FRMD4A: variants seen among roughly 807,000 people sequenced by gnomAD.
The protein encoded by FRMD4A is FERM domain-containing protein 4A.
A neutral mutation model predicts 129.1 loss-of-function variants in FRMD4A; 29 were observed. The ratio of observed to expected loss-of-function variants is 0.22; its 90% CI spans 0.17 to 0.31. FRMD4A has a LOEUF of 0.31. Ranked by LOEUF, FRMD4A falls within the 10% of genes least tolerant of loss-of-function variation. FRMD4A has a pLI of 1.00. For missense variants in FRMD4A, 1,272 were observed against 1,375.8 expected (o/e 0.92, Z 1.19); for synonymous variants, 634 against 571.6 (o/e 1.11, Z -1.56).
chr10:14,133,451 A>G (rs1839371971), intron 2 of FRMD4A, among the ~76,000 whole-genome samples: 1 of 152,202 alleles, frequency 6.6e-6, no homozygotes. Flanking sequence ...TATGCATGAC[A>G]GCACCCTCTC....
chr10:14,161,657 T>G (rs923507195), intron 2 of FRMD4A, among the ~76,000 whole-genome samples: 3 of 152,090 alleles, frequency 2.0e-5, no homozygotes, highest in Non-Finnish European at 4.4e-5. Flanking sequence ...ACCAGAGGCT[T>G]GGAGAGGTGT....
intron 2 of FRMD4A, among the ~76,000 whole-genome samples, chr10:14,093,339 A>G (rs965561699): frequency 1.8e-4 from 28 of 152,346 alleles, no homozygotes; most frequent in Non-Finnish European, 3.2e-4. Flanking sequence ...GAAATTTTAG[A>G]GTCTTCCCAA....
intron 2 of FRMD4A, among the ~76,000 whole-genome samples, chr10:14,190,047 C>A (rs1434465328): frequency 6.6e-6 from 1 of 152,204 alleles, no homozygotes; most frequent in African/African-American, 2.4e-5. Flanking sequence ...ACACGTACAC[C>A]ACTTTCCAAA....
At chr10:14,297,707 G>A (rs147696855) in intron 2 of FRMD4A, among the ~76,000 whole-genome samples, 106 of 152,232 alleles carry the variant, frequency 7.0e-4, no homozygotes, top group Non-Finnish European at 1.3e-3. Context: ...AACATATGAG[G>A]CAGAGGACCT....
At chr10:14,005,107 C>T (rs1202254070) in intron 2 of FRMD4A, among the ~76,000 whole-genome samples, 2 of 151,966 alleles carry the variant, frequency 1.3e-5, no homozygotes, top group Admixed American at 6.6e-5. Flanking sequence ...ACAGCAACCT[C>T]CACCTCCCAG....
intron 2 of FRMD4A, among the ~76,000 whole-genome samples, chr10:14,096,492 G>A (rs772211987): frequency 3.9e-5 from 6 of 152,256 alleles, no homozygotes; most frequent in Non-Finnish European, 5.9e-5. Context: ...AGGGAGCTCA[G>A]ATGTGAGTTC....
intron 3 of FRMD4A, among the ~76,000 whole-genome samples, chr10:13,847,085 A>C (rs1379898930): frequency 6.6e-6 from 1 of 152,214 alleles, no homozygotes; most frequent in African/African-American, 2.4e-5. Flanking sequence ...TGGCTTCTAA[A>C]GCCTGGCCAA....
At chr10:13,715,831 G>A (rs10906453) in intron 12 of FRMD4A, among the ~76,000 whole-genome samples, 88,758 of 150,568 alleles carry the variant, frequency 0.59, 26,415 homozygotes, top group East Asian at 0.74. Flanking sequence ...GCTTGAATTC[G>A]GGAGGCGGAG....
chr10:13,686,525 G>T (rs552077482), intron 15 of FRMD4A, among the ~76,000 whole-genome samples: 3 of 152,194 alleles, frequency 2.0e-5, no homozygotes, highest in Non-Finnish European at 2.9e-5. Context: ...GAATGTGGAC[G>T]GATCCCAGGC....
chr10:13,680,292 A>G (rs1564593834), intron 15 of FRMD4A, among the ~76,000 whole-genome samples: 1 of 151,608 alleles, frequency 6.6e-6, no homozygotes, highest in Non-Finnish European at 1.5e-5. Flanking sequence ...CTCTGTCTCT[A>G]CAAAAACAAA....
At chr10:14,249,098 C>T (rs1340133725) in intron 2 of FRMD4A, among the ~76,000 whole-genome samples, 1 of 152,152 alleles carries the variant, frequency 6.6e-6, no homozygotes, top group Non-Finnish European at 1.5e-5. Context: ...TGCCTGTAAT[C>T]CCAGCACTTT....
At chr10:13,937,699 A>C (rs1015067224) in intron 2 of FRMD4A, among the ~76,000 whole-genome samples, 2 of 152,236 alleles carry the variant, frequency 1.3e-5, no homozygotes, top group African/African-American at 4.8e-5. Flanking sequence ...AATGAAAAAA[A>C]GGGACTTAAA....
At chr10:13,798,779 G>C (rs1443942439) in intron 4 of FRMD4A, among the ~76,000 whole-genome samples, 7 of 152,208 alleles carry the variant, frequency 4.6e-5, no homozygotes, top group Non-Finnish European at 7.3e-5. Context: ...ACTTCTTCCA[G>C]AAAGCTGGGA....
At chr10:13,842,268 A>G (rs2093979089) in intron 3 of FRMD4A, among the ~76,000 whole-genome samples, 1 of 152,200 alleles carries the variant, frequency 6.6e-6, no homozygotes, top group African/African-American at 2.4e-5. Context: ...CGTCTAGTCC[A>G]TACACGTGGG....
At chr10:14,137,882 A>G (rs60397947) in intron 2 of FRMD4A, among the ~76,000 whole-genome samples, 2 of 152,076 alleles carry the variant, frequency 1.3e-5, no homozygotes, top group Middle Eastern at 3.4e-3. Flanking sequence ...AGATGAGATT[A>G]TGTAAGCCCC....
At chr10:14,131,764 G>A (rs895552496) in intron 2 of FRMD4A, among the ~76,000 whole-genome samples, 8 of 151,966 alleles carry the variant, frequency 5.3e-5, no homozygotes, top group South Asian at 2.1e-4. Flanking sequence ...GACTCAAGAC[G>A]TCTGGCCCTT....
chr10:14,246,656 A>C (rs1844252096), intron 2 of FRMD4A, among the ~76,000 whole-genome samples: 1 of 152,218 alleles, frequency 6.6e-6, no homozygotes. Flanking sequence ...TACAATAGTG[A>C]ACTATAAGTA....
At chr10:14,128,056 CTTT>C (rs1839012713) in intron 2 of FRMD4A, among the ~76,000 whole-genome samples, 1 of 39,758 alleles carries the variant, frequency 2.5e-5, no homozygotes, top group Admixed American at 2.8e-4. Flanking sequence ...CTCTTTCTTT[CTTT>C]CTTTCTTTCT....
At chr10:14,125,869 C>T (rs1270705509) in intron 2 of FRMD4A, among the ~76,000 whole-genome samples, 1 of 152,118 alleles carries the variant, frequency 6.6e-6, no homozygotes, top group Non-Finnish European at 1.5e-5. Context: ...AAAAACAAAA[C>T]AAAACAAAAC....
Sources: gnomAD v4.1 joint callset for allele counts (sites outside exome capture counted in the v4.1 genomes callset) on GRCh38, gnomAD v4.1.1 for gene constraint, MANE v1.5 for transcripts, NCBI Gene and HGNC (gene_info 2026-07-23, HGNC 2026-07-21) for gene names.